Variants in ZNF541 observed in about 807,000 individuals in gnomAD.
ZNF541 encodes zinc finger protein 541.
A neutral mutation model predicts 123.5 loss-of-function variants in ZNF541; 23 were observed. That is an observed-to-expected ratio of 0.19 (90% CI 0.13 to 0.26). The LOEUF (loss-of-function observed/expected upper bound fraction) is 0.26. Ranked by LOEUF, ZNF541 falls within the 10% of genes least tolerant of loss-of-function variation. ZNF541 has a pLI of 1.00. For synonymous variants in ZNF541, 751 were observed against 754.5 expected, an observed-to-expected ratio of 1.00 and a Z score of 0.08; for missense variants, 1,612 against 1,789.9, an observed-to-expected ratio of 0.90 and a Z score of 1.79.
chr19:47,571,293 T>C (rs1201838287), intron 2 of ZNF541, among the ~76,000 whole-genome samples: 1 of 152,142 alleles, frequency 6.6e-6, no homozygotes, highest in South Asian at 2.1e-4. Context: ...TTTGTATTTT[T>C]AGTAGAGACA....
intron 14 of ZNF541, among the ~76,000 whole-genome samples, chr19:47,526,149 G>A (rs552839191): frequency 3.0e-4 from 46 of 152,148 alleles, no homozygotes; most frequent in African/African-American, 1.1e-3. Flanking sequence ...GATAAATGAC[G>A]TGTCCTGAAT....
chr19:47,553,556 G>A (rs563822396), intron 3 of ZNF541, among the ~76,000 whole-genome samples: 7 of 151,968 alleles, frequency 4.6e-5, no homozygotes, highest in South Asian at 2.1e-4. Context: ...TTACAGGCAC[G>A]TACCACCACA....
intron 9 of ZNF541, among the ~76,000 whole-genome samples, chr19:47,533,246 C>T (rs1969659820): frequency 6.6e-6 from 1 of 151,256 alleles, no homozygotes; most frequent in Non-Finnish European, 1.5e-5. Context: ...GTAGTGGGTG[C>T]CTGTAGTCCC....
At chr19:47,525,209 C>T (rs998849110) in intron 14 of ZNF541, among the ~76,000 whole-genome samples, 19 of 151,442 alleles carry the variant, frequency 1.3e-4, no homozygotes, top group Non-Finnish European at 2.5e-4. Flanking sequence ...CGCTTGAACC[C>T]GGGAGGTGGA....
chr19:47,562,141 C>T (rs539803715), intron 2 of ZNF541, among the ~76,000 whole-genome samples: 2 of 152,198 alleles, frequency 1.3e-5, no homozygotes, highest in East Asian at 1.9e-4. Flanking sequence ...CCCAGCTACA[C>T]GGGAGGCTGA....
rs553747870 is a variant in ZNF541 at position 47,570,003 on chromosome 19, G to A, written c.-99+1893C>T. ...AAAGTCATTTTCTCTGGCCGGGCACGGTGGCTCACGACTCTAATTCCAGCA... is the reference window on the plus strand; with the variant it reads ...AAAGTCATTTTCTCTGGCCGGGCACAGTGGCTCACGACTCTAATTCCAGCA... On this transcript the variant is annotated intron_variant, in intron 2 of 16. Coordinates refer to ENST00000391901, the MANE Select transcript of ZNF541 (RefSeq NM_001277075.3). Among the ~76,000 whole-genome samples the A allele has an allele frequency of 2.6e-5, 4 of 152,196 alleles. No homozygotes were observed. The East Asian group carries it at 5.8e-4, about 22-fold the overall frequency.
At position 47,559,099 on chromosome 19, in the gene ZNF541, A is replaced by G. The variant is rs183698668; in HGVS notation, c.-98-3145T>C. On this transcript the variant is annotated intron_variant, in intron 2 of 16. Transcript: ENST00000391901. ...GAAATAAAAAGACTGGGCCAGGCAC[A>G]GTGGCTCACGCCTGTAATCCCAGCA... 2.4e-3 allele frequency among the ~76,000 whole-genome samples: 354 copies of G among 150,184 alleles called. 1 individual carries two copies. Among genetic ancestry groups the G allele is most frequent in the Non-Finnish European group, 3.6e-3 (243 of 67,574 alleles).
chr19:47,527,630 A>G (rs190492643), intron 14 of ZNF541, among the ~76,000 whole-genome samples: 117 of 152,216 alleles, frequency 7.7e-4, no homozygotes, highest in African/African-American at 2.7e-3. Flanking sequence ...TCCTAGCCTC[A>G]AGCAATCCTC....
At chr19:47,534,260 TAAAG>T (rs1969714727) in intron 9 of ZNF541, among the ~76,000 whole-genome samples, 1 of 151,018 alleles carries the variant, frequency 6.6e-6, no homozygotes, top group South Asian at 2.1e-4. Flanking sequence ...AAGAGAAAAA[TAAAG>T]AGAGCCTCAG....
At chr19:47,531,187 CA>C (rs1321091504) in intron 12 of ZNF541, among the ~76,000 whole-genome samples, 1 of 148,142 alleles carries the variant, frequency 6.8e-6, no homozygotes, top group Non-Finnish European at 1.5e-5. Flanking sequence ...TCCCGCTCCT[CA>C]CAGTTAGACT....
intron 2 of ZNF541, among the ~76,000 whole-genome samples, chr19:47,565,807 C>G (rs950800522): frequency 1.3e-4 from 20 of 152,204 alleles, no homozygotes; most frequent in African/African-American, 4.8e-4. Flanking sequence ...TCTATCATCA[C>G]TGATGCCTTA....
chr19:47,523,249 C>T (rs1568479606), intron 14 of ZNF541, among the ~76,000 whole-genome samples: 3 of 147,192 alleles, frequency 2.0e-5, no homozygotes, highest in Non-Finnish European at 4.5e-5. Flanking sequence ...AGGCTGGTCT[C>T]GAACTCCTGA....
Position 47,525,176 on chromosome 19 carries a change from T to C in ZNF541, c.3571-3182A>G, listed in dbSNP as rs192517501. ...TGTGCGCACCTGTAATCCCAGCTACTCGGGAGGCTGAGGTACGAGAATCGC... is the reference window on the plus strand; with the variant it reads ...TGTGCGCACCTGTAATCCCAGCTACCCGGGAGGCTGAGGTACGAGAATCGC... On this transcript the variant is annotated intron_variant, in intron 14 of 16. Transcript: ENST00000391901. Among the ~76,000 whole-genome samples the C allele has an allele frequency of 1.4e-4, 22 of 151,934 alleles. No individual in the cohort carries two copies. In the East Asian group the frequency reaches 3.7e-3, roughly 25 times the overall value.
rs2123127783 is a variant in ZNF541, at chr19:47,544,516, T to C, written c.2013A>G (p.Pro671=). 1.3e-6 allele frequency: 2 copies of C among 1,551,626 alleles called. No homozygotes were observed. The highest frequency in any genetic ancestry group is 1.4e-5 in the African/African-American group (1 of 73,160). Residue 671 remains proline, a synonymous_variant, in exon 5 of 17, where the codon CCA becomes CCG. Coordinates refer to ENST00000391901, the MANE Select transcript of ZNF541 (RefSeq NM_001277075.3). ...AAPSLDPSRN[P]DISSLAKQLR... ...GCTGCTTGGCCAGAGAAGAGATGTC[T>C]GGATTCCTGGAAGGGTCCAGAGACG...
chr19:47,558,224 G>A (rs1159107190), intron 2 of ZNF541, among the ~76,000 whole-genome samples: 10 of 152,046 alleles, frequency 6.6e-5, no homozygotes, highest in Non-Finnish European at 1.2e-4. Flanking sequence ...AGACCATCCC[G>A]GCTAACACGG....
At chr19:47,549,877 A>T (rs1970522226) in intron 3 of ZNF541, among the ~76,000 whole-genome samples, 1 of 152,178 alleles carries the variant, frequency 6.6e-6, no homozygotes, top group East Asian at 1.9e-4. Flanking sequence ...CACATAAGGA[A>T]ATAAATGTAG....
chr19:47,559,620 T>C (rs181671703), intron 2 of ZNF541, among the ~76,000 whole-genome samples: 1 of 152,196 alleles, frequency 6.6e-6, no homozygotes, highest in African/African-American at 2.4e-5. Flanking sequence ...GAGGCCGAGA[T>C]GGGCAGATCA....
chr19:47,569,652 C>T (rs1012367189), intron 2 of ZNF541, among the ~76,000 whole-genome samples: 1 of 151,910 alleles, frequency 6.6e-6, no homozygotes, highest in African/African-American at 2.4e-5. Context: ...TGCTTGAGTC[C>T]AGGAGTTCAA....
At chr19:47,536,241 G>A (rs1969815861) in intron 9 of ZNF541, among the ~76,000 whole-genome samples, 1 of 152,158 alleles carries the variant, frequency 6.6e-6, no homozygotes, top group Non-Finnish European at 1.5e-5. Flanking sequence ...TTATGAACAT[G>A]TCACAGTGCT....
Sources: allele counts gnomAD v4.1 joint callset (sites outside exome capture counted in the v4.1 genomes callset), GRCh38; gene constraint gnomAD v4.1.1; transcripts MANE v1.5; gene names NCBI Gene and HGNC (gene_info 2026-07-23, HGNC 2026-07-21).